CRCP: variants seen among roughly 807,000 people sequenced by gnomAD.
The protein encoded by CRCP is DNA-directed RNA polymerase III subunit RPC9.
Under a neutral mutation model 18.5 loss-of-function variants are expected in CRCP, and 18 were observed. The ratio of observed to expected loss-of-function variants is 0.97; its 90% CI spans 0.67 to 1.44. The LOEUF (loss-of-function observed/expected upper bound fraction) is 1.44, where lower values mean the gene tolerates loss of function less well. Among genes scored for constraint, CRCP ranks in the 40% most tolerant of loss-of-function variants. The pLI is 0.00. For synonymous variants in CRCP, 53 were observed against 62.9 expected (o/e 0.84, Z 0.75); for missense variants, 130 against 176.4 (o/e 0.74, Z 1.49).
At chr7:66,116,703 C>A (rs1014819502) in intron 1 of CRCP, among the ~76,000 whole-genome samples, 3 of 152,076 alleles carry the variant, frequency 2.0e-5, no homozygotes, top group Admixed American at 6.6e-5. Context: ...ATACATGTCC[C>A]CCTCTTACTC....
rs947854705 is a variant in CRCP, at chr7:66,145,959, C to T, written c.297+459C>T. Among the ~76,000 whole-genome samples the T allele has an allele frequency of 2.6e-5, 4 of 152,216 alleles. No individual in the cohort carries two copies. The East Asian group carries it at 5.8e-4, about 22-fold the overall frequency. ...CCTTGCTCATCTCCTGGCCTGGCCTCCCACGCCGGAAACCTGCAAGCCATT... is the reference window on the plus strand; with the variant it reads ...CCTTGCTCATCTCCTGGCCTGGCCTTCCACGCCGGAAACCTGCAAGCCATT... On this transcript the variant is annotated intron_variant, in intron 5 of 5. Transcript: ENST00000395326.
chr7:66,125,527 AGTAC>A (rs1185254351), intron 1 of CRCP, among the ~76,000 whole-genome samples: 1 of 149,590 alleles, frequency 6.7e-6, no homozygotes, highest in Non-Finnish European at 1.5e-5. Context: ...TGTTACACAG[AGTAC>A]CTGTGTAAAC....
chr7:66,142,786 C>T (rs1054444250), intron 4 of CRCP, among the ~76,000 whole-genome samples: 14 of 152,150 alleles, frequency 9.2e-5, no homozygotes, highest in African/African-American at 2.9e-4. Context: ...TGTGAGCCAC[C>T]GTGCCTGGCT....
At chr7:66,121,117 C>T (rs1175837355) in intron 1 of CRCP, among the ~76,000 whole-genome samples, 1 of 151,644 alleles carries the variant, frequency 6.6e-6, no homozygotes, top group Non-Finnish European at 1.5e-5. Context: ...TCTTGTCACC[C>T]AGGCTGGAGT....
intron 4 of CRCP, among the ~76,000 whole-genome samples, chr7:66,135,761 A>C (rs1787953263): frequency 6.6e-6 from 1 of 152,126 alleles, no homozygotes; most frequent in African/African-American, 2.4e-5. Flanking sequence ...ATCTCTACTA[A>C]AAATACAAAA....
At chr7:66,143,985 A>G (rs1228218661) in intron 4 of CRCP, among the ~76,000 whole-genome samples, 2 of 152,188 alleles carry the variant, frequency 1.3e-5, no homozygotes, top group Non-Finnish European at 2.9e-5. Context: ...CCCCCAACAC[A>G]TGGCTGCAGG....
intron 1 of CRCP, among the ~76,000 whole-genome samples, chr7:66,125,105 T>A (rs898236965): frequency 6.7e-6 from 1 of 149,462 alleles, no homozygotes; most frequent in Admixed American, 6.7e-5. Context: ...CAATTTGGAA[T>A]TCTCTGATTA....
intron 3 of CRCP, among the ~76,000 whole-genome samples, chr7:66,133,966 C>CTCCTGCCTCA (rs1787891723): frequency 6.9e-6 from 1 of 145,788 alleles, no homozygotes; most frequent in Admixed American, 7.1e-5. Flanking sequence ...TCAAGTGTTT[C>CTCCTGCCTCA]TCCTGCCTCA....
intron 3 of CRCP, among the ~76,000 whole-genome samples, chr7:66,133,380 C>T (rs1443437171): frequency 6.6e-6 from 1 of 151,868 alleles, no homozygotes; most frequent in Non-Finnish European, 1.5e-5. Flanking sequence ...TGGTGGCAGG[C>T]GCCTGTAGTC....
chr7:66,119,383 G>A (rs1479724371), intron 1 of CRCP, among the ~76,000 whole-genome samples: 3 of 152,130 alleles, frequency 2.0e-5, no homozygotes, highest in African/African-American at 7.2e-5. Context: ...GTAAACCTAA[G>A]TAGGTGTTTT....
At chr7:66,140,794 C>T (rs1562769817) in intron 4 of CRCP, among the ~76,000 whole-genome samples, 1 of 152,162 alleles carries the variant, frequency 6.6e-6, no homozygotes, top group African/African-American at 2.4e-5. Context: ...TTTAAGGCCT[C>T]TTTTCATCTC....
intron 5 of CRCP, among the ~76,000 whole-genome samples, chr7:66,151,439 C>T (rs1054722502): frequency 1.3e-4 from 20 of 151,988 alleles, no homozygotes; most frequent in African/African-American, 2.2e-4. Flanking sequence ...TGTGGTGGCT[C>T]GTGCCTGTAG....
At position 66,126,233 on chromosome 7, in the gene CRCP, ACT is replaced by A. The variant is rs1306239515; in HGVS notation, c.9-1470_9-1469del. ...GCCGAGGTCTATCTCTTTGTGAACC[ACT>A]GTTAGTTTTGCTTTATTTATTGACT... On this transcript the variant is annotated intron_variant, in intron 1 of 5. Coordinates refer to ENST00000395326, the MANE Select transcript of CRCP (RefSeq NM_014478.5). 1.3e-5 allele frequency among the ~76,000 whole-genome samples: 2 copies of A among 149,026 alleles called. 1 individual carries two copies. Among genetic ancestry groups the A allele is most frequent in the African/African-American group, 4.8e-5 (2 of 41,244 alleles).
At chr7:66,138,231 A>G (rs2115982847) in intron 4 of CRCP, among the ~76,000 whole-genome samples, 1 of 152,234 alleles carries the variant, frequency 6.6e-6, no homozygotes, top group Admixed American at 6.5e-5. Context: ...TGGCTGTCAC[A>G]GTTTTTGATT....
At chr7:66,144,158 C>T (rs1788220770) in intron 4 of CRCP, among the ~76,000 whole-genome samples, 1 of 87,172 alleles carries the variant, frequency 1.1e-5, no homozygotes, top group South Asian at 2.8e-4. Context: ...TTGATCTCCT[C>T]TGAAGTTCTG....
chr7:66,144,887 C>T (rs533872989), intron 4 of CRCP, among the ~76,000 whole-genome samples: 2 of 152,252 alleles, frequency 1.3e-5, no homozygotes, highest in Admixed American at 6.5e-5. Flanking sequence ...CGGTGGCTCA[C>T]GCCTATATCT....
intron 2 of CRCP, among the ~76,000 whole-genome samples, chr7:66,130,482 A>T (rs999874627): frequency 1.3e-5 from 2 of 152,088 alleles, no homozygotes; most frequent in African/African-American, 4.8e-5. Flanking sequence ...CAGATTAGTG[A>T]TGTACATATT....
chr7:66,151,713 G>A (rs1487365833), intron 5 of CRCP, among the ~76,000 whole-genome samples: 1 of 137,176 alleles, frequency 7.3e-6, no homozygotes, highest in Non-Finnish European at 1.6e-5. Flanking sequence ...GTGTGTGTGT[G>A]TGTGGTTATA....
intron 5 of CRCP, among the ~76,000 whole-genome samples, chr7:66,148,527 G>A (rs1401420053): frequency 6.6e-6 from 1 of 152,216 alleles, no homozygotes; most frequent in Non-Finnish European, 1.5e-5. Context: ...GAAGCCAGGT[G>A]TCTTTTGGAG....
Sources: gnomAD v4.1 joint callset for allele counts (sites outside exome capture counted in the v4.1 genomes callset) on GRCh38, gnomAD v4.1.1 for gene constraint, MANE v1.5 for transcripts, NCBI Gene and HGNC (gene_info 2026-07-23, HGNC 2026-07-21) for gene names.